The following TRPC7 variants were observed in gnomAD, a reference collection of about 807,000 sequenced individuals.
TRPC7 encodes transient receptor potential cation channel subfamily C member 7.
Under a neutral mutation model 90.1 loss-of-function variants are expected in TRPC7, and 42 were observed. That is an observed-to-expected ratio of 0.47 (90% confidence interval 0.36 to 0.60). The LOEUF is 0.60. Ranked by LOEUF, TRPC7 falls within the 20% of genes least tolerant of loss-of-function variation. The pLI, the probability that TRPC7 is intolerant of heterozygous loss-of-function variation, is 0.00. For missense variants in TRPC7, 955 were observed against 1,112.3 expected (o/e 0.86, Z 2.01); for synonymous variants, 451 against 436.3 (o/e 1.03, Z -0.42).
At chr5:136,364,878 C>A (rs180707992) in intron 1 of TRPC7, among the ~76,000 whole-genome samples, 1 of 152,112 alleles carries the variant, frequency 6.6e-6, no homozygotes, top group African/African-American at 2.4e-5. Flanking sequence ...CCTTCTCTCA[C>A]CCCTATATTT....
At chr5:136,229,550 T>A (rs1328816437) in intron 8 of TRPC7, among the ~76,000 whole-genome samples, 1 of 152,166 alleles carries the variant, frequency 6.6e-6, no homozygotes, top group African/African-American at 2.4e-5. Flanking sequence ...GGCCCCGATC[T>A]TCTTGGACTG....
In TRPC7 at chr5:136,251,762, C is replaced by A. The variant is rs757096759; in HGVS notation, c.1466G>T (p.Arg489Leu). The change falls in exon 6 of 12, where the codon CGC becomes CTC. Residue 489 changes from arginine (R) to leucine (L), a missense_variant. Physicochemically the swap from Arg to Leu is moderately radical, Grantham distance 102 (BLOSUM62 -2). Coordinates refer to ENST00000513104, the MANE Select transcript of TRPC7 (RefSeq NM_020389.3). ...CGTGGCCTTCAGGAAGGCCATGAAG[C>A]GTGCTGTGAAGGAGGCCACGAAGAT... is the stretch of plus-strand genomic sequence containing the variant. ...LSIFVASFTARFMAFLKATEA... is the reference protein window; with the variant it reads ...LSIFVASFTALFMAFLKATEA... 1.9e-6 allele frequency: 3 copies of A among 1,613,904 alleles called. No homozygotes were observed. The highest frequency in any genetic ancestry group is 2.5e-6 in the Non-Finnish European group (3 of 1,179,866).
intron 2 of TRPC7, among the ~76,000 whole-genome samples, chr5:136,347,292 A>T (rs1009228276): frequency 6.6e-6 from 1 of 152,274 alleles, no homozygotes; most frequent in East Asian, 1.9e-4. Flanking sequence ...GTATTTGCCA[A>T]ATGAGATTTT....
intron 3 of TRPC7, among the ~76,000 whole-genome samples, chr5:136,292,245 G>A (rs1468006940): frequency 6.6e-6 from 1 of 152,032 alleles, no homozygotes; most frequent in Non-Finnish European, 1.5e-5. Flanking sequence ...AGAGAAGCAA[G>A]AGCAAACACA....
chr5:136,328,058 C>A (rs908408663), intron 2 of TRPC7, among the ~76,000 whole-genome samples: 1 of 152,124 alleles, frequency 6.6e-6, no homozygotes, highest in Non-Finnish European at 1.5e-5. Context: ...TTTCATTAAC[C>A]TTCACCGTAT....
intron 5 of TRPC7, among the ~76,000 whole-genome samples, chr5:136,265,114 A>T (rs1374449855): frequency 1.3e-5 from 2 of 152,160 alleles, no homozygotes; most frequent in Non-Finnish European, 2.9e-5. Flanking sequence ...GCCATATGTT[A>T]GGTTACCTTT....
chr5:136,350,817 T>C (rs1760170791), intron 2 of TRPC7, among the ~76,000 whole-genome samples: 1 of 152,138 alleles, frequency 6.6e-6, no homozygotes, highest in African/African-American at 2.4e-5. Flanking sequence ...TCAGCTTTCT[T>C]TCCTCTACTC....
intron 3 of TRPC7, among the ~76,000 whole-genome samples, chr5:136,312,972 CTT>C (rs34840823): frequency 0.038 from 3,651 of 96,948 alleles, 59 homozygotes; most frequent in East Asian, 0.12. Flanking sequence ...AGTAGTGATT[CTT>C]TTTTTTTTTT....
At chr5:136,221,111 G>GTC (rs1359442083) in intron 10 of TRPC7, among the ~76,000 whole-genome samples, 3 of 112,262 alleles carry the variant, frequency 2.7e-5, no homozygotes, top group Non-Finnish European at 4.0e-5. Context: ...GTGTGTATGT[G>GTC]TCTGTGTGTG....
chr5:136,279,645 C>A (rs59521914), intron 3 of TRPC7, among the ~76,000 whole-genome samples: 1 of 152,288 alleles, frequency 6.6e-6, no homozygotes, highest in African/African-American at 2.4e-5. Context: ...AAGAGGCCAC[C>A]CTCCATACCT....
chr5:136,278,417 C>T (rs919776083), intron 3 of TRPC7, among the ~76,000 whole-genome samples: 1 of 152,228 alleles, frequency 6.6e-6, no homozygotes, highest in Non-Finnish European at 1.5e-5. Flanking sequence ...GGCTGACTCC[C>T]TGCACTTCTG....
chr5:136,360,725 TATA>T (rs1760544570), intron 1 of TRPC7, among the ~76,000 whole-genome samples: 1 of 152,182 alleles, frequency 6.6e-6, no homozygotes, highest in South Asian at 2.1e-4. Flanking sequence ...CATGTATGCA[TATA>T]AGCAGATAAT....
intron 10 of TRPC7, 136 bp downstream of exon 10, chr5:136,225,138 A>T: frequency 1.3e-6 from 1 of 772,276 alleles, no homozygotes; most frequent in Non-Finnish European, 2.1e-6. Context: ...TATAGTAAGT[A>T]CTCAATAAAT....
chr5:136,258,079 AG>A (rs1756741330), intron 5 of TRPC7, among the ~76,000 whole-genome samples: 1 of 152,232 alleles, frequency 6.6e-6, no homozygotes, highest in African/African-American at 2.4e-5. Flanking sequence ...AAGTACTAAA[AG>A]CTCTATGAAT....
At chr5:136,305,706 T>C (rs1396935306) in intron 3 of TRPC7, among the ~76,000 whole-genome samples, 3 of 152,186 alleles carry the variant, frequency 2.0e-5, no homozygotes, top group Non-Finnish European at 4.4e-5. Context: ...CTCTATACAG[T>C]CTGATAACAG....
At chr5:136,248,009 G>T (rs1489045705) in intron 6 of TRPC7, among the ~76,000 whole-genome samples, 2 of 152,016 alleles carry the variant, frequency 1.3e-5, no homozygotes, top group East Asian at 3.9e-4. Flanking sequence ...AGCCTTCTGT[G>T]ATCCCCCTTA....
chr5:136,333,478 T>C (rs1306966005), intron 2 of TRPC7, among the ~76,000 whole-genome samples: 1 of 152,176 alleles, frequency 6.6e-6, no homozygotes, highest in Admixed American at 6.5e-5. Flanking sequence ...TGTAAGGAGA[T>C]TGGACTTTAT....
intron 10 of TRPC7, among the ~76,000 whole-genome samples, chr5:136,218,544 A>T (rs2149792538): frequency 6.6e-6 from 1 of 152,350 alleles, no homozygotes; most frequent in East Asian, 1.9e-4. Context: ...TAAGCCAGAG[A>T]TTGGCAGTCA....
chr5:136,307,799 T>C (rs968574156), intron 3 of TRPC7, among the ~76,000 whole-genome samples: 13 of 152,238 alleles, frequency 8.5e-5, no homozygotes, highest in Non-Finnish European at 1.8e-4. Context: ...TTGAGAAATG[T>C]TGACTTAGCC....
Sources: allele counts gnomAD v4.1 joint callset (sites outside exome capture counted in the v4.1 genomes callset), GRCh38; gene constraint gnomAD v4.1.1; transcripts MANE v1.5; gene names NCBI Gene and HGNC (gene_info 2026-07-23, HGNC 2026-07-21).